TSNARE1: variants seen among roughly 807,000 people sequenced by gnomAD.
The protein encoded by TSNARE1 is t-SNARE domain containing 1, also known as t-SNARE domain-containing protein 1.
Under a neutral mutation model 62.0 loss-of-function variants are expected in TSNARE1, and 49 were observed. The ratio of observed to expected loss-of-function variants is 0.79; its 90% CI spans 0.63 to 1.00. The LOEUF is 1.00. Among genes scored for constraint, TSNARE1 ranks in the 50% least tolerant of loss-of-function variants. The pLI is 0.00. For synonymous variants in TSNARE1, 328 were observed against 294.4 expected (o/e 1.11, Z -1.17); for missense variants, 755 against 700.1 (o/e 1.08, Z -0.88).
At position 142,284,127 on chromosome 8, in the gene TSNARE1, A is replaced by G. The variant is rs367558677; in HGVS notation, c.1363+286T>C. On this transcript the variant is annotated intron_variant, in intron 11 of 13. Transcript: ENST00000524325. ...CCAGTGTCTGTCAATGAGGAGAGGC[A>G]GGGCCAGTGTCTGTCAATGAGCAGA... 6.1e-4 allele frequency among the ~76,000 whole-genome samples: 61 copies of G among 100,480 alleles called. 12 individuals are homozygous for G. Among genetic ancestry groups the G allele is most frequent in the South Asian group, 3.2e-3 (8 of 2,530 alleles). The allele number at this position is 100,480 out of a possible 152,430, so 65.9% of individuals were successfully genotyped here.
At chr8:142,257,350 G>A (rs1278468877) in intron 12 of TSNARE1, among the ~76,000 whole-genome samples, 4 of 152,186 alleles carry the variant, frequency 2.6e-5, no homozygotes, top group African/African-American at 9.6e-5. Flanking sequence ...GCGGAGGGCA[G>A]GAGCTCCCCG....
Position 142,232,271 on chromosome 8 carries a change from C to A in TSNARE1, c.1447-2692G>T, listed in dbSNP as rs373470262. 2.0e-5 allele frequency among the ~76,000 whole-genome samples: 3 copies of A among 152,212 alleles called. No individual in the cohort carries two copies. In the East Asian group the frequency reaches 5.8e-4, roughly 29 times the overall value. ...TCTATCCACACACCCAGCTCCAGAC[C>A]CCAGGCAGCTGACAGGCCCGGCCTG... On this transcript the variant is annotated intron_variant, in intron 12 of 13. Coordinates refer to ENST00000524325, the MANE Select transcript of TSNARE1 (RefSeq NM_145003.5).
chr8:142,248,733 G>A (rs1403893475), intron 12 of TSNARE1, among the ~76,000 whole-genome samples: 1 of 152,180 alleles, frequency 6.6e-6, no homozygotes, highest in African/African-American at 2.4e-5. Flanking sequence ...GGGCATCCTG[G>A]GCTCAGACAG....
At chr8:142,376,566 T>A (rs996194715) in intron 1 of TSNARE1, among the ~76,000 whole-genome samples, 1 of 152,156 alleles carries the variant, frequency 6.6e-6, no homozygotes, top group Non-Finnish European at 1.5e-5. Flanking sequence ...CCACCCCTGC[T>A]GGCACTCTGA....
Position 142,378,047 on chromosome 8 carries a change from G to A in TSNARE1, c.-39-23284C>T, listed in dbSNP as rs190954272. On this transcript the variant is annotated intron_variant, in intron 1 of 13. Coordinates refer to ENST00000524325, the MANE Select transcript of TSNARE1 (RefSeq NM_145003.5). ...ATGCGGTCCTTTCTGATATCAAGAC[G>A]CAGCAGTCCCTGATCCAGCCACTGA... 3.3e-5 allele frequency among the ~76,000 whole-genome samples: 5 copies of A among 152,230 alleles called. No homozygotes were observed. The South Asian group carries it at 6.2e-4, about 19-fold the overall frequency.
chr8:142,311,457 C>A (rs1445419077), intron 9 of TSNARE1, among the ~76,000 whole-genome samples: 2 of 151,514 alleles, frequency 1.3e-5, no homozygotes, highest in Admixed American at 1.3e-4. Context: ...GCCACCACAC[C>A]CGGCTAATTT....
chr8:142,335,897 C>CA (rs1350373122), intron 4 of TSNARE1, among the ~76,000 whole-genome samples: 1 of 152,214 alleles, frequency 6.6e-6, no homozygotes, highest in Admixed American at 6.5e-5. Context: ...ATGCAGATGA[C>CA]AGGGCCTTTC....
chr8:142,287,599 G>A (rs796706680), intron 10 of TSNARE1, among the ~76,000 whole-genome samples: 111 of 81,636 alleles, frequency 1.4e-3, no homozygotes, highest in African/African-American at 2.9e-3. Context: ...ACAGTGGGCC[G>A]CCCTCCAGGT....
At chr8:142,335,549 G>A (rs1305948691) in intron 4 of TSNARE1, among the ~76,000 whole-genome samples, 1 of 151,710 alleles carries the variant, frequency 6.6e-6, no homozygotes, top group Non-Finnish European at 1.5e-5. Flanking sequence ...TCTCTCATAA[G>A]CCCTTAGTGG....
intron 5 of TSNARE1, 143 bp downstream of exon 5, chr8:142,331,611 G>A (rs568870990): frequency 1.0e-4 from 76 of 751,846 alleles, no homozygotes; most frequent in East Asian, 5.7e-4. Context: ...ATCCAACGTC[G>A]CATCAGTGGA....
chr8:142,367,951 C>A (rs1162823425), intron 1 of TSNARE1, among the ~76,000 whole-genome samples: 1 of 152,004 alleles, frequency 6.6e-6, no homozygotes, highest in Non-Finnish European at 1.5e-5. Context: ...TCATGGCTAT[C>A]AATACAAAAA....
In TSNARE1 at chr8:142,330,788, G is replaced by A; in HGVS notation, c.893+113C>T. ...CGCACATGTGTGTCCAGGCAGCTGT[G>A]CGCAAGCAGCTGTGTGGACAAAGCC... On this transcript the variant is annotated intron_variant, in intron 6 of 13. Transcript: ENST00000524325. 4.8e-6 allele frequency: 5 copies of A among 1,050,650 alleles called. No homozygotes were observed. The East Asian group carries it at 7.3e-5, about 15-fold the overall frequency. 65.1% of individuals were successfully genotyped at this position (1,050,650 alleles called of 1,614,324 possible). A position where few individuals can be genotyped will look rare whatever the true frequency, so the allele number is the denominator to read the frequency against.
At position 142,255,214 on chromosome 8, in the gene TSNARE1, T is replaced by C. The variant is rs143884817; in HGVS notation, c.1446+19567A>G. Among the ~76,000 whole-genome samples, 50 of 152,042 alleles carry C rather than the reference T, an allele frequency of 3.3e-4. 1 individual carries two copies. Among genetic ancestry groups the C allele is most frequent in the African/African-American group, 1.2e-3 (48 of 41,424 alleles). ...GACAGAGGTCACTTTCTTTATCCCATTCTCCCAGTGCCCTATGCAGTGCCT... is the reference window on the plus strand; with the variant it reads ...GACAGAGGTCACTTTCTTTATCCCACTCTCCCAGTGCCCTATGCAGTGCCT... On this transcript the variant is annotated intron_variant, in intron 12 of 13. Transcript: ENST00000524325.
chr8:142,335,977 C>G (rs1384166969), intron 4 of TSNARE1, among the ~76,000 whole-genome samples: 1 of 152,056 alleles, frequency 6.6e-6, no homozygotes, highest in Non-Finnish European at 1.5e-5. Flanking sequence ...AGAGCTTCTC[C>G]GATGAGAGTA....
intron 9 of TSNARE1, among the ~76,000 whole-genome samples, chr8:142,305,126 G>C (rs1826444223): frequency 6.6e-6 from 1 of 152,200 alleles, no homozygotes; most frequent in Admixed American, 6.5e-5. Context: ...AATCCTCCAG[G>C]GCAGCTAATG....
chr8:142,403,498 C>T (rs983483293), upstream of TSNARE1, among the ~76,000 whole-genome samples: 1 of 152,092 alleles, frequency 6.6e-6, no homozygotes, highest in Non-Finnish European at 1.5e-5. Context: ...CAGCCCAGGC[C>T]GAGCCCGGAC....
In TSNARE1 at chr8:142,345,873, G is replaced by C; in HGVS notation, c.108C>G (p.Thr36=). 6.2e-7 allele frequency: 1 copy of C among 1,613,736 alleles called. No individual in the cohort carries two copies. Among genetic ancestry groups the C allele is most frequent in the Non-Finnish European group, 8.5e-7 (1 of 1,179,832 alleles). The change falls in exon 3 of 14, where the codon ACC becomes ACG. Residue 36 remains threonine, a synonymous_variant. Transcript: ENST00000524325. ...AGGGGAAATGGCGGATTCCATACTC[G>C]GTCCAACATCTAGCGCACTCTACGG... The part of the protein sequence containing the change: ...CQPLECARCW[T]EYGIRHFPCP...
chr8:142,280,989 G>C (rs1821347854), intron 11 of TSNARE1, among the ~76,000 whole-genome samples: 1 of 152,328 alleles, frequency 6.6e-6, no homozygotes, highest in Non-Finnish European at 1.5e-5. Context: ...CAGGGTGCTT[G>C]AGCCGCAGTC....
chr8:142,377,956 G>A (rs1365088675), intron 1 of TSNARE1, among the ~76,000 whole-genome samples: 1 of 152,200 alleles, frequency 6.6e-6, no homozygotes, highest in Non-Finnish European at 1.5e-5. Flanking sequence ...CAGAGATGCC[G>A]AAGTGGATGG....
Sources: allele counts gnomAD v4.1 joint callset (sites outside exome capture counted in the v4.1 genomes callset), GRCh38; gene constraint gnomAD v4.1.1; transcripts MANE v1.5; gene names NCBI Gene and HGNC (gene_info 2026-07-23, HGNC 2026-07-21).